SIGLEC1: variants seen among roughly 807,000 people sequenced by gnomAD.
SIGLEC1 encodes sialoadhesin.
A neutral mutation model predicts 148.0 loss-of-function variants in SIGLEC1; 132 were observed. The observed-to-expected ratio is 0.89, with a 90% confidence interval of 0.77 to 1.03. SIGLEC1 has a LOEUF of 1.03. Among genes scored for constraint, SIGLEC1 ranks in the 50% least tolerant of loss-of-function variants. SIGLEC1 has a pLI of 0.00. For missense variants in SIGLEC1, 2,253 were observed against 2,271.4 expected (o/e 0.99, Z 0.16); for synonymous variants, 945 against 969.0 (o/e 0.98, Z 0.46).
At position 3,697,836 on chromosome 20, in the gene SIGLEC1, A is replaced by G. The variant is rs1251124891; in HGVS notation, c.2084T>C (p.Leu695Pro). 6.2e-7 allele frequency: 1 copy of G among 1,612,960 alleles called. No individual in the cohort carries two copies. ...GLYLCEASNALGNASTSATFN... is the reference protein window; with the variant it reads ...GLYLCEASNAPGNASTSATFN... ...GGTGGCTGAGGTGGAGGCGTTGCCC[A>G]GGGCATTGCTGGCCTCACAGAGGTA... The change falls in exon 9 of 22, where the codon CTG becomes CCG. Residue 695 changes from leucine (L) to proline (P), a missense_variant. By Grantham distance (98) the Leu-to-Pro change is moderately conservative. Coordinates refer to ENST00000344754, the MANE Select transcript of SIGLEC1 (RefSeq NM_023068.4).
intron 1 of SIGLEC1, among the ~76,000 whole-genome samples, chr20:3,709,952 A>C (rs1293120101): frequency 4.6e-5 from 7 of 152,214 alleles, no homozygotes; most frequent in Admixed American, 1.3e-4. Flanking sequence ...TCAGATAATG[A>C]AAAAGTTCTG....
chr20:3,703,686 G>A, intron 5 of SIGLEC1, 139 bp downstream of exon 5: 3 of 1,215,198 alleles, frequency 2.5e-6, no homozygotes, highest in East Asian at 2.5e-5. Context: ...GTAAGGCAGG[G>A]CTGGGACTCC....
At chr20:3,693,826 G>A (rs1185903589) in intron 13 of SIGLEC1, 128 bp from the exon 14 acceptor site, 3 of 988,142 alleles carry the variant, frequency 3.0e-6, no homozygotes, top group Non-Finnish European at 4.3e-6. Flanking sequence ...GCCTTGGGTG[G>A]CCCACCTATA....
In SIGLEC1 at chr20:3,693,020, TGGCTGAGGGCCAGCTGGGCGGGCGGGC is replaced by T; in HGVS notation, c.3593_3619del (p.Arg1198_Ser1206del). 6.2e-7 allele frequency: 1 copy of T among 1,611,764 alleles called. No individual in the cohort carries two copies. The highest frequency in any genetic ancestry group is 8.5e-7 in the Non-Finnish European group (1 of 1,179,656). ...CGAGGAGGCCAAGAGGCGACCGGCG[TGGCTGAGGGCCAGCTGGGCGGGCGGGC>T]GGCTGTCCACAGTGCACAGTACCAG... On this transcript the variant is annotated inframe_deletion, in exon 15 of 22. Coordinates refer to ENST00000344754, the MANE Select transcript of SIGLEC1 (RefSeq NM_023068.4).
In SIGLEC1 at chr20:3,691,582, T is replaced by C. The variant is rs756375732; in HGVS notation, c.4349A>G (p.Glu1450Gly). The C allele has an allele frequency of 6.2e-7, 1 of 1,612,514 alleles. No individual in the cohort carries two copies. Among genetic ancestry groups the C allele is most frequent in the Non-Finnish European group, 8.5e-7 (1 of 1,179,766 alleles). ...GCCCTCAGGCACGTCCAGGCCAGGC[T>C]CTGCCACCACGCGTGCACCTGCGGG... is the stretch of plus-strand genomic sequence containing the variant. Reference protein sequence around the residue: ...LQVEGARVVAEPGLDVPEGAA... With the variant: ...LQVEGARVVAGPGLDVPEGAA... Residue 1450 changes from glutamate (E) to glycine (G), a missense_variant, in exon 18 of 22, where the codon GAG becomes GGG. Coordinates refer to ENST00000344754, the MANE Select transcript of SIGLEC1 (RefSeq NM_023068.4).
At position 3,688,457 on chromosome 20, in the gene SIGLEC1, G is replaced by T. The variant is rs1485270885; in HGVS notation, c.*103C>A. ...AGTCAGATGTCACAGAGCTGTTTTC[G>T]TAGAGGCGGGCAGGACTCAACACTG... On this transcript the variant is annotated 3_prime_UTR_variant, in exon 22 of 22. Coordinates refer to ENST00000344754, the MANE Select transcript of SIGLEC1 (RefSeq NM_023068.4). The T allele has an allele frequency of 4.0e-6, 4 of 997,456 alleles. No individual in the cohort carries two copies. The highest frequency in any genetic ancestry group is 6.2e-6 in the Non-Finnish European group (4 of 644,674). The allele number at this position is 997,456 out of a possible 1,614,324, so 61.8% of individuals were successfully genotyped here. A position where few individuals can be genotyped will look rare whatever the true frequency, so the allele number is the denominator to read the frequency against.
At chr20:3,706,728 G>T in intron 2 of SIGLEC1, 22 bp from the exon 3 acceptor site, 2 of 1,522,088 alleles carry the variant, frequency 1.3e-6, no homozygotes, top group Non-Finnish European at 1.8e-6. Flanking sequence ...ACGGCAGGGG[G>T]ACAGAGGGGA....
Position 3,693,432 on chromosome 20 carries a change from T to A in SIGLEC1, c.3508+15A>T. The A allele has an allele frequency of 6.4e-7, 1 of 1,551,462 alleles. No homozygotes were observed. The highest frequency in any genetic ancestry group is 1.4e-5 in the African/African-American group (1 of 74,008). ...TCATTCCTGTGAGTCCCACCCTGCA[T>A]CCAGCCAGACTCACAGAGGACGTCC... On this transcript the variant is annotated intron_variant, in intron 14 of 21. Transcript: ENST00000344754.
At position 3,698,032 on chromosome 20, in the gene SIGLEC1, G is replaced by A. The variant is rs370685594; in HGVS notation, c.1888C>T (p.Pro630Ser). ...GLLLCRVDSD[P>S]PARLQLLHKD... ...TGGAGCAGCTGCAGCCTGGCGGGGG[G>A]GTCGCTGTCCACACGGCACAAAAGG... Residue 630 changes from proline to serine, a missense_variant, in exon 9 of 22, where the codon CCC becomes TCC. Physicochemically the swap from Pro to Ser is moderately conservative, Grantham distance 74 (BLOSUM62 -1). Transcript: ENST00000344754. 4 of 1,608,970 alleles carry A rather than the reference G, an allele frequency of 2.5e-6. No individual in the cohort carries two copies. Among genetic ancestry groups the A allele is most frequent in the African/African-American group, 1.3e-5 (1 of 74,734 alleles).
chr20:3,699,074 G>T, intron 8 of SIGLEC1, 128 bp downstream of exon 8: 3 of 1,096,394 alleles, frequency 2.7e-6, no homozygotes, highest in Non-Finnish European at 2.6e-6. Context: ...ACCCACTGTG[G>T]CCAGGTCTGT....
chr20:3,695,048 G>A (rs2146522556), intron 11 of SIGLEC1, 125 bp from the exon 12 acceptor site: 2 of 1,003,908 alleles, frequency 2.0e-6, no homozygotes, highest in South Asian at 1.7e-5. Context: ...GCCCCTTCCA[G>A]ACCACCGCCA....
chr20:3,699,150 G>A, intron 8 of SIGLEC1, 52 bp downstream of exon 8: 3 of 1,587,168 alleles, frequency 1.9e-6, no homozygotes, highest in Non-Finnish European at 8.6e-7. Flanking sequence ...TAGAGGAGGT[G>A]GGGTGGCTGG....
chr20:3,689,786 C>G (rs1160473782), intron 19 of SIGLEC1, 84 bp from the exon 20 acceptor site: 1 of 1,334,360 alleles, frequency 7.5e-7, no homozygotes, highest in African/African-American at 1.5e-5. Context: ...AAGATGACAC[C>G]TTCTAACTTT....
Position 3,697,779 on chromosome 20 carries a change from C to A in SIGLEC1, c.2122+19G>T, listed in dbSNP as rs368919512. 5.0e-5 allele frequency: 81 copies of A among 1,608,640 alleles called. No individual in the cohort carries two copies. In the African/African-American group the frequency reaches 8.4e-4, roughly 17 times the overall value. ...CTCCAGCCCCTGCCCCCAGGCCACC[C>A]ATTCCCTGCCTGACTCACCCTGGCC... On this transcript the variant is annotated intron_variant, in intron 9 of 21. Coordinates refer to ENST00000344754, the MANE Select transcript of SIGLEC1 (RefSeq NM_023068.4).
At chr20:3,708,469 C>A (rs1180308667) in intron 1 of SIGLEC1, among the ~76,000 whole-genome samples, 1 of 152,050 alleles carries the variant, frequency 6.6e-6, no homozygotes, top group Non-Finnish European at 1.5e-5. Flanking sequence ...TGGACTTCAT[C>A]AAAATTTAAA....
chr20:3,689,767 G>A (rs1191946788), intron 19 of SIGLEC1, 65 bp from the exon 20 acceptor site: 14 of 1,430,664 alleles, frequency 9.8e-6, no homozygotes, highest in East Asian at 2.5e-5. Context: ...CTTCCAAGGG[G>A]ACCCACCCAA....
intron 16 of SIGLEC1, 47 bp from the exon 17 acceptor site, chr20:3,692,249 T>C: frequency 6.7e-7 from 1 of 1,486,660 alleles, no homozygotes. Flanking sequence ...AGGCACCCTG[T>C]ACTGCTCATT....
intron 1 of SIGLEC1, among the ~76,000 whole-genome samples, chr20:3,708,162 T>C (rs1426173153): frequency 2.0e-5 from 3 of 152,146 alleles, no homozygotes; most frequent in African/African-American, 4.8e-5. Context: ...AAGGCAAGTC[T>C]AGGTTTGAAA....
chr20:3,702,190 A>C (rs1485680390), intron 6 of SIGLEC1, among the ~76,000 whole-genome samples: 1 of 152,214 alleles, frequency 6.6e-6, no homozygotes, highest in Admixed American at 6.5e-5. Context: ...ACCCAATGCA[A>C]TATGTGAACT....
Sources: gnomAD v4.1 joint callset for allele counts (sites outside exome capture counted in the v4.1 genomes callset) on GRCh38, gnomAD v4.1.1 for gene constraint, MANE v1.5 for transcripts, NCBI Gene and HGNC (gene_info 2026-07-23, HGNC 2026-07-21) for gene names.